SPMAP2L: variants seen among roughly 807,000 people sequenced by gnomAD.
SPMAP2L encodes the protein sperm microtubule associated protein 2-like.
At chr4:56,531,008 A>G in the SPMAP2L span, 6 of 1,535,068 alleles carry the variant, frequency 3.9e-6, no homozygotes, top group East Asian at 7.3e-5. Context: ...GCAGCCCCCA[A>G]ACTCCTCAAG....
At chr4:56,561,130 C>T in the SPMAP2L span, among the ~76,000 whole-genome samples, 1 of 152,174 alleles carries the variant, frequency 6.6e-6, no homozygotes, top group South Asian at 2.1e-4. Context: ...TATTTATTTA[C>T]TTGTAAAAGT....
chr4:56,581,387 A>G, the SPMAP2L span, among the ~76,000 whole-genome samples: 1 of 151,968 alleles, frequency 6.6e-6, no homozygotes, highest in Non-Finnish European at 1.5e-5. Flanking sequence ...CCTGGGAGGC[A>G]GAGGTTACAG....
chr4:56,625,948 G>A, the SPMAP2L span, among the ~76,000 whole-genome samples: 4 of 152,170 alleles, frequency 2.6e-5, no homozygotes, highest in Non-Finnish European at 5.9e-5. Context: ...AAGCTTTCAA[G>A]AAAGCCCTGT....
chr4:56,603,217 T>A, the SPMAP2L span: 1 of 1,528,032 alleles, frequency 6.5e-7, no homozygotes, highest in Non-Finnish European at 8.8e-7. Flanking sequence ...AGGGCTCCTG[T>A]GCGTATTGTG....
the SPMAP2L span, among the ~76,000 whole-genome samples, chr4:56,539,282 T>C: frequency 6.6e-6 from 1 of 152,214 alleles, no homozygotes; most frequent in African/African-American, 2.4e-5. Context: ...TGAAGAACTA[T>C]TTCTGTGGTT....
chr4:56,584,663 G>A, the SPMAP2L span: 1 of 1,199,390 alleles, frequency 8.3e-7, no homozygotes, highest in Admixed American at 2.1e-5. Flanking sequence ...GTAACATGCT[G>A]CCTACCCTCT....
the SPMAP2L span, chr4:56,592,980 A>G: frequency 7.5e-6 from 12 of 1,604,352 alleles, no homozygotes; most frequent in South Asian, 5.5e-5. Context: ...TTGAAAATGG[A>G]AGACCCTGTT....
chr4:56,598,248 A>G, the SPMAP2L span, among the ~76,000 whole-genome samples: 12 of 152,230 alleles, frequency 7.9e-5, no homozygotes, highest in Admixed American at 7.9e-4. Flanking sequence ...CATAACAGAA[A>G]GGCAATCTGG....
At chr4:56,594,915 A>T in the SPMAP2L span, 2 of 1,611,640 alleles carry the variant, frequency 1.2e-6, no homozygotes, top group African/African-American at 1.3e-5. Context: ...CTAAATCTTC[A>T]CAAGACCTTC....
At chr4:56,586,991 G>A in the SPMAP2L span, among the ~76,000 whole-genome samples, 3 of 152,058 alleles carry the variant, frequency 2.0e-5, no homozygotes, top group South Asian at 4.2e-4. Context: ...ACTGTTTAGA[G>A]GTATGCTATA....
the SPMAP2L span, among the ~76,000 whole-genome samples, chr4:56,602,438 A>G: frequency 6.6e-6 from 1 of 152,194 alleles, no homozygotes; most frequent in South Asian, 2.1e-4. Flanking sequence ...CACACCTGTA[A>G]TCCCAGCAGT....
chr4:56,613,927 C>T, the SPMAP2L span, among the ~76,000 whole-genome samples: 17 of 152,272 alleles, frequency 1.1e-4, no homozygotes, highest in Middle Eastern at 3.4e-3. Context: ...AATGGAAAGA[C>T]GAATAGCGCT....
chr4:56,554,525 T>C, the SPMAP2L span, among the ~76,000 whole-genome samples: 2 of 152,256 alleles, frequency 1.3e-5, no homozygotes, highest in Non-Finnish European at 2.9e-5. Flanking sequence ...TTTGTTATTG[T>C]TGAGTTTTAA....
the SPMAP2L span, among the ~76,000 whole-genome samples, chr4:56,576,823 C>T: frequency 6.6e-6 from 1 of 152,114 alleles, no homozygotes; most frequent in African/African-American, 2.4e-5. Flanking sequence ...TACTTTATTG[C>T]CACTTCTTGA....
At chr4:56,536,759 GTTATTA>G in the SPMAP2L span, among the ~76,000 whole-genome samples, 1 of 151,992 alleles carries the variant, frequency 6.6e-6, no homozygotes, top group Non-Finnish European at 1.5e-5. Flanking sequence ...GTGTTGTAGT[GTTATTA>G]TTATTATTAC....
the SPMAP2L span, among the ~76,000 whole-genome samples, chr4:56,571,664 A>G: frequency 6.6e-6 from 1 of 152,102 alleles, no homozygotes; most frequent in East Asian, 1.9e-4. Flanking sequence ...TGGGCAACAT[A>G]GTAAGACCCC....
the SPMAP2L span, among the ~76,000 whole-genome samples, chr4:56,549,985 G>T: frequency 2.0e-4 from 30 of 152,118 alleles, no homozygotes; most frequent in South Asian, 3.3e-3. Context: ...AATACCAAGG[G>T]TTCATATCAA....
At chr4:56,588,759 C>G in the SPMAP2L span, among the ~76,000 whole-genome samples, 2 of 151,974 alleles carry the variant, frequency 1.3e-5, no homozygotes, top group African/African-American at 4.8e-5. Context: ...AGTTTCAGGT[C>G]TTAGGTTTAA....
At chr4:56,551,938 C>A in the SPMAP2L span, among the ~76,000 whole-genome samples, 1 of 152,108 alleles carries the variant, frequency 6.6e-6, no homozygotes, top group Non-Finnish European at 1.5e-5. Flanking sequence ...TTATGTGGTA[C>A]CCAGTACTCT....
Sources: gnomAD v4.1 joint callset for allele counts (sites outside exome capture counted in the v4.1 genomes callset) on GRCh38, gnomAD v4.1.1 for gene constraint, MANE v1.5 for transcripts, NCBI Gene and HGNC (gene_info 2026-07-23, HGNC 2026-07-21) for gene names.